MARCO: variants seen among roughly 807,000 people sequenced by gnomAD.
The protein encoded by MARCO is macrophage receptor MARCO.
MARCO carries 72 observed loss-of-function variants against 70.0 expected under a neutral mutation model. The observed-to-expected ratio is 1.03, with a 90% confidence interval of 0.85 to 1.25. MARCO has a LOEUF of 1.25. Ranked by LOEUF, MARCO falls within the 50% of genes most tolerant of loss-of-function variation. The probability of loss-of-function intolerance (pLI) is 0.00; values close to 1 mark genes in which losing one functional copy is unlikely to be tolerated. For synonymous variants in MARCO, 273 were observed against 243.1 expected (o/e 1.12, Z -1.14); for missense variants, 696 against 659.3 (o/e 1.06, Z -0.61).
At chr2:118,966,294 G>A (rs944789128) in intron 1 of MARCO, among the ~76,000 whole-genome samples, 1 of 152,132 alleles carries the variant, frequency 6.6e-6, no homozygotes, top group Non-Finnish European at 1.5e-5. Flanking sequence ...ACTCATCAAG[G>A]TTTACTCCAG....
intron 12 of MARCO, among the ~76,000 whole-genome samples, chr2:118,987,703 C>A (rs1001817999): frequency 6.6e-6 from 1 of 152,198 alleles, no homozygotes; most frequent in Non-Finnish European, 1.5e-5. Context: ...ATTAGCATCA[C>A]CTGGGAACTT....
chr2:118,977,943 C>G lies in MARCO; in HGVS notation c.766+8C>G, dbSNP rs1429011151. 6.3e-7 allele frequency: 1 copy of G among 1,577,336 alleles called. No individual in the cohort carries two copies. The highest frequency in any genetic ancestry group is 1.4e-5 in the African/African-American group (1 of 74,066). On this transcript the variant is annotated splice_region_variant and intron_variant, in intron 8 of 16. Coordinates refer to ENST00000327097, the MANE Select transcript of MARCO (RefSeq NM_006770.4). ...GAGACCTGGGTCTCCCAGGTGAGGG[C>G]CGTATTGGGGGTGTCGGTGCTTGCC...
At chr2:118,962,315 G>T (rs1224598059) in intron 1 of MARCO, among the ~76,000 whole-genome samples, 3 of 152,082 alleles carry the variant, frequency 2.0e-5, no homozygotes, top group African/African-American at 7.2e-5. Context: ...GGGCAGTATG[G>T]TCATTTTCAT....
chr2:118,959,152 T>C (rs1361445777), intron 1 of MARCO, among the ~76,000 whole-genome samples: 4 of 152,050 alleles, frequency 2.6e-5, no homozygotes, highest in Non-Finnish European at 1.5e-5. Context: ...CTAATTAAAC[T>C]AAAGAGCTTT....
chr2:118,977,144 A>G (rs1010994616), intron 6 of MARCO, among the ~76,000 whole-genome samples: 2 of 152,066 alleles, frequency 1.3e-5, no homozygotes, highest in African/African-American at 4.8e-5. Flanking sequence ...TTGTGACCCA[A>G]ACACCTCCCC....
intron 1 of MARCO, among the ~76,000 whole-genome samples, chr2:118,959,208 G>A (rs1185992581): frequency 6.6e-6 from 1 of 152,168 alleles, no homozygotes; most frequent in African/African-American, 2.4e-5. Context: ...ACAACCCACA[G>A]AGTGGGAGAA....
At chr2:118,984,864 C>T (rs1680455762) in intron 12 of MARCO, among the ~76,000 whole-genome samples, 1 of 152,146 alleles carries the variant, frequency 6.6e-6, no homozygotes, top group African/African-American at 2.4e-5. Flanking sequence ...GTTGATATAT[C>T]AAGCCAGGTT....
chr2:118,971,310 C>T (rs1460250870), intron 3 of MARCO, among the ~76,000 whole-genome samples, 189 bp from the exon 4 acceptor site: 1 of 152,130 alleles, frequency 6.6e-6, no homozygotes, highest in Non-Finnish European at 1.5e-5. Context: ...GAGCATCTGG[C>T]TCTTTCCAAG....
At chr2:118,943,263 G>A (rs1161699715) in intron 1 of MARCO, among the ~76,000 whole-genome samples, 5 of 152,182 alleles carry the variant, frequency 3.3e-5, no homozygotes, top group African/African-American at 1.2e-4. Flanking sequence ...AGCGTCTGGG[G>A]CTCTGCCTCT....
At chr2:118,950,871 G>T (rs2104549969) in intron 1 of MARCO, among the ~76,000 whole-genome samples, 1 of 151,946 alleles carries the variant, frequency 6.6e-6, no homozygotes, top group Non-Finnish European at 1.5e-5. Flanking sequence ...GGACTGGACT[G>T]TTAAAGGCCA....
intron 12 of MARCO, among the ~76,000 whole-genome samples, chr2:118,982,641 C>A (rs111948076): frequency 3.9e-5 from 6 of 152,282 alleles, no homozygotes; most frequent in Admixed American, 1.3e-4. Flanking sequence ...ATGCCATGAC[C>A]AAACCTCCAG....
At position 118,981,490 on chromosome 2, in the gene MARCO, G is replaced by A; in HGVS notation, c.848G>A (p.Gly283Glu). Residue 283 changes from glycine to glutamate, a missense_variant, in exon 9 of 17, where the codon GGG becomes GAG. Physicochemically the swap from Gly to Glu is moderately conservative, Grantham distance 98 (BLOSUM62 -2). Coordinates refer to ENST00000327097, the MANE Select transcript of MARCO (RefSeq NM_006770.4). ...PGAQGSKGDF[G>E]RPGPPGLAGF... Reference sequence around the variant, plus strand: ...GCCCAGGGGAGTAAAGGTGACTTCGGGAGGCCAGGCCCACCAGGTAAGAGG... The same window carrying A: ...GCCCAGGGGAGTAAAGGTGACTTCGAGAGGCCAGGCCCACCAGGTAAGAGG... 1 of 1,600,878 alleles carries A rather than the reference G, an allele frequency of 6.2e-7. No homozygotes were observed. The highest frequency in any genetic ancestry group is 8.5e-7 in the Non-Finnish European group (1 of 1,176,910).
At chr2:118,971,426 G>A in intron 3 of MARCO, 73 bp from the exon 4 acceptor site, 4 of 1,452,830 alleles carry the variant, frequency 2.8e-6, no homozygotes, top group African/African-American at 1.4e-5. Flanking sequence ...TGCAGAACCT[G>A]GGCACTCTCA....
Position 118,971,607 on chromosome 2 carries a change from C to T in MARCO, c.460+73C>T. 4 of 1,515,436 alleles carry T rather than the reference C, an allele frequency of 2.6e-6. 1 individual carries two copies. In the East Asian group the frequency reaches 9.2e-5, roughly 35 times the overall value. The allele number at this position is 1,515,436 out of a possible 1,614,324, so 93.9% of individuals were successfully genotyped here. A position where few individuals can be genotyped will look rare whatever the true frequency, so the allele number is the denominator to read the frequency against. On this transcript the variant is annotated intron_variant, in intron 4 of 16. Coordinates refer to ENST00000327097, the MANE Select transcript of MARCO (RefSeq NM_006770.4). ...CCCCAAAAGGGCCCCTTGGCCTGTGCCATTCTGGGTCTGGACAGCTGACCC... is the reference window on the plus strand; with the variant it reads ...CCCCAAAAGGGCCCCTTGGCCTGTGTCATTCTGGGTCTGGACAGCTGACCC...
At chr2:118,988,231 G>A (rs71424306) in intron 12 of MARCO, among the ~76,000 whole-genome samples, 1 of 152,138 alleles carries the variant, frequency 6.6e-6, no homozygotes, top group South Asian at 2.1e-4. Flanking sequence ...GGGAAATGAA[G>A]AGGGAGAGTC....
intron 2 of MARCO, 32 bp downstream of exon 2, chr2:118,969,293 C>T (rs1383698609): frequency 6.3e-7 from 1 of 1,584,540 alleles, no homozygotes; most frequent in South Asian, 1.1e-5. Context: ...GTAGTCCCTC[C>T]TGGGGGGAGA....
intron 1 of MARCO, 131 bp downstream of exon 1, chr2:118,942,528 A>G (rs775797335): frequency 1.5e-5 from 10 of 666,782 alleles, no homozygotes; most frequent in Admixed American, 2.5e-5. Flanking sequence ...AATCATCACT[A>G]ATACTGTCTG....
At chr2:118,977,700 C>T (rs1680311851) in intron 7 of MARCO, 128 bp from the exon 8 acceptor site, 2 of 835,946 alleles carry the variant, frequency 2.4e-6, no homozygotes, top group Non-Finnish European at 3.8e-6. Flanking sequence ...AATGAGCTAG[C>T]ACATCCCCCA....
chr2:118,990,914 G>T (rs1680610130), intron 13 of MARCO, among the ~76,000 whole-genome samples: 1 of 152,148 alleles, frequency 6.6e-6, no homozygotes, highest in Admixed American at 6.5e-5. Context: ...AGAGCTGGGG[G>T]TGCAGGCAGA....
Sources: allele counts gnomAD v4.1 joint callset (sites outside exome capture counted in the v4.1 genomes callset), GRCh38; gene constraint gnomAD v4.1.1; transcripts MANE v1.5; gene names NCBI Gene and HGNC (gene_info 2026-07-23, HGNC 2026-07-21).